The following ROR1 variants were observed in gnomAD, a reference collection of about 807,000 sequenced individuals.
ROR1 encodes inactive tyrosine-protein kinase transmembrane receptor ROR1.
A neutral mutation model predicts 78.8 loss-of-function variants in ROR1; 19 were observed. The observed-to-expected ratio is 0.24, with a 90% CI of 0.17 to 0.35. The LOEUF (loss-of-function observed/expected upper bound fraction) is 0.35, where lower values mean the gene tolerates loss of function less well. Ranked by LOEUF, ROR1 falls within the 10% of genes least tolerant of loss-of-function variation. The pLI is 1.00. For synonymous variants in ROR1, 386 were observed against 433.6 expected (o/e 0.89, Z 1.36); for missense variants, 917 against 1,177.8 (o/e 0.78, Z 3.24).
chr1:64,106,774 G>A (rs528594638), intron 4 of ROR1: 1 of 152,288 alleles, frequency 6.6e-6, no homozygotes, highest in African/African-American at 2.4e-5. Context: ...ATTTGCATAT[G>A]CTGAGCCAGC....
chr1:64,083,536 T>TGTGTGTGTGTGTGTGTGTGTG (rs139973518), intron 4 of ROR1, among the ~76,000 whole-genome samples: 3 of 150,726 alleles, frequency 2.0e-5, no homozygotes, highest in Admixed American at 6.6e-5. Context: ...AGTGTGTGTG[T>TGTGTGTGTGTGTGTGTGTGTG]TTTAGGAACA....
chr1:63,829,952 G>A (rs891420110), intron 1 of ROR1, among the ~76,000 whole-genome samples: 4 of 151,916 alleles, frequency 2.6e-5, no homozygotes, highest in African/African-American at 9.7e-5. Context: ...AAATCCTTAA[G>A]CTCCATGAAA....
intron 1 of ROR1, among the ~76,000 whole-genome samples, chr1:63,989,423 G>A (rs758698083): frequency 1.3e-4 from 19 of 151,872 alleles, no homozygotes; most frequent in Middle Eastern, 3.2e-3. Context: ...ATTTGCTCTC[G>A]TTTTTTTCGT....
At chr1:64,105,228 T>C (rs1212870432) in intron 4 of ROR1, 2 of 152,200 alleles carry the variant, frequency 1.3e-5, no homozygotes, top group African/African-American at 4.8e-5. Flanking sequence ...TTGAGCTTTT[T>C]TCATGTTTCT....
chr1:63,832,041 G>A (rs180909327), intron 1 of ROR1, among the ~76,000 whole-genome samples: 18 of 152,292 alleles, frequency 1.2e-4, no homozygotes, highest in African/African-American at 3.8e-4. Flanking sequence ...CTTTGCTAAA[G>A]CATAGGAAGA....
intron 1 of ROR1, among the ~76,000 whole-genome samples, chr1:63,979,864 C>T (rs1570007892): frequency 6.6e-6 from 1 of 152,166 alleles, no homozygotes. Context: ...ATAGAAAGAT[C>T]TAAAACACAA....
intron 2 of ROR1, among the ~76,000 whole-genome samples, chr1:64,027,869 G>A (rs1646627058): frequency 6.6e-6 from 1 of 151,920 alleles, no homozygotes; most frequent in South Asian, 2.1e-4. Context: ...TGTATTTTTA[G>A]TAGAGATAGG....
At chr1:64,090,764 T>C (rs1647189224) in intron 4 of ROR1, among the ~76,000 whole-genome samples, 1 of 152,130 alleles carries the variant, frequency 6.6e-6, no homozygotes, top group Admixed American at 6.6e-5. Flanking sequence ...TAGAGATAGG[T>C]GGGAGATGGG....
chr1:64,033,701 T>G (rs1646678703), intron 2 of ROR1, among the ~76,000 whole-genome samples: 1 of 152,204 alleles, frequency 6.6e-6, no homozygotes, highest in African/African-American at 2.4e-5. Flanking sequence ...CAGGTACTGT[T>G]CTAAGTACCT....
chr1:64,127,270 A>G (rs1648742491), intron 4 of ROR1, among the ~76,000 whole-genome samples: 1 of 152,204 alleles, frequency 6.6e-6, no homozygotes, highest in African/African-American at 2.4e-5. Context: ...CACTGCAAGA[A>G]ATTTGGAGCA....
chr1:64,071,582 G>GACACACACAC (rs546971973), intron 4 of ROR1, among the ~76,000 whole-genome samples: 21 of 106,380 alleles, frequency 2.0e-4, no homozygotes, highest in African/African-American at 6.2e-4. Flanking sequence ...CACCCACACA[G>GACACACACAC]ACACACACAC....
At chr1:64,092,049 G>T (rs1310516294) in intron 4 of ROR1, among the ~76,000 whole-genome samples, 2 of 151,906 alleles carry the variant, frequency 1.3e-5, no homozygotes, top group Non-Finnish European at 2.9e-5. Context: ...GGTTTATGGT[G>T]GGTGGCGGTA....
At chr1:63,805,056 C>T (rs938579612) in intron 1 of ROR1, among the ~76,000 whole-genome samples, 21 of 152,166 alleles carry the variant, frequency 1.4e-4, no homozygotes, top group African/African-American at 4.3e-4. Context: ...TCCCTGAATG[C>T]GCTGAAAGGG....
At chr1:64,113,917 C>T (rs1185463334) in intron 4 of ROR1, 2 of 152,074 alleles carry the variant, frequency 1.3e-5, no homozygotes, top group Admixed American at 6.6e-5. Flanking sequence ...CAATCGCCTC[C>T]CTGCCCCCAT....
At chr1:63,906,629 C>T (rs1645531193) in intron 1 of ROR1, among the ~76,000 whole-genome samples, 1 of 152,186 alleles carries the variant, frequency 6.6e-6, no homozygotes, top group Non-Finnish European at 1.5e-5. Flanking sequence ...TTCACCCCCA[C>T]CCTGTCTGCC....
chr1:64,090,083 A>G (rs1361855334), intron 4 of ROR1, among the ~76,000 whole-genome samples: 2 of 152,160 alleles, frequency 1.3e-5, no homozygotes, highest in Non-Finnish European at 2.9e-5. Flanking sequence ...CTGTGAGTCC[A>G]TTAAACCTCT....
intron 1 of ROR1, among the ~76,000 whole-genome samples, chr1:63,894,738 G>A (rs571851515): frequency 6.6e-6 from 1 of 152,322 alleles, no homozygotes; most frequent in East Asian, 1.9e-4. Context: ...AGTTGGCAAA[G>A]TGAGAAAGAC....
Position 64,140,203 on chromosome 1 carries a change from C to T in ROR1, c.705C>T (p.Cys235=), listed in dbSNP as rs138122388. The T allele has an allele frequency of 8.9e-5, 144 of 1,613,830 alleles. No homozygotes were observed. Among genetic ancestry groups the T allele is most frequent in the African/African-American group, 1.7e-4 (13 of 74,880 alleles). Residue 235 remains cysteine, a synonymous_variant, in exon 6 of 9, where the codon TGC becomes TGT. Transcript: ENST00000371079. The part of the protein sequence containing the change: ...PSLCHYAFPY[C]DETSSVPKPR... ...TGTGCCACTATGCCTTCCCGTACTG[C>T]GATGAAACTTCATCCGTCCCAAAGC... is the stretch of plus-strand genomic sequence containing the variant.
intron 1 of ROR1, among the ~76,000 whole-genome samples, chr1:63,905,357 A>G (rs1432535416): frequency 6.6e-6 from 1 of 152,120 alleles, no homozygotes; most frequent in Non-Finnish European, 1.5e-5. Context: ...ATATTCTCAA[A>G]TGTTTTGCCT....
Sources: gnomAD v4.1 joint callset for allele counts (sites outside exome capture counted in the v4.1 genomes callset) on GRCh38, gnomAD v4.1.1 for gene constraint, MANE v1.5 for transcripts, NCBI Gene and HGNC (gene_info 2026-07-23, HGNC 2026-07-21) for gene names.